GMNC: variants seen among roughly 807,000 people sequenced by gnomAD.
The protein encoded by GMNC is geminin coiled-coil domain-containing protein 1.
In GMNC, 16 loss-of-function variants were observed where a neutral mutation model predicts 33.6. That is an observed-to-expected ratio of 0.48 (90% CI 0.32 to 0.72). GMNC has a LOEUF of 0.72. Ranked by LOEUF, GMNC falls within the 30% of genes least tolerant of loss-of-function variation. The pLI is 0.03. For missense variants in GMNC, 393 were observed against 388.9 expected (o/e 1.01, Z -0.09); for synonymous variants, 156 against 147.3 (o/e 1.06, Z -0.43).
At position 190,858,955 on chromosome 3, in the gene GMNC, A is replaced by G; in HGVS notation, c.240T>C (p.Leu80=). The change falls in exon 3 of 5, where the codon CTT becomes CTC. Residue 80 remains leucine, a synonymous_variant. Coordinates refer to ENST00000442080, the MANE Select transcript of GMNC (RefSeq NM_001146686.3). ...GCTTATTTCTGTAGAGCTGAGAGGA[A>G]AGCTGAGCCTCTTCCCATGAGCACA... ...PDLCSWEEAQ[L]SSQLYRNKQL... The G allele has an allele frequency of 1.3e-6, 2 of 1,550,180 alleles. No individual in the cohort carries two copies. Among genetic ancestry groups the G allele is most frequent in the Non-Finnish European group, 8.7e-7 (1 of 1,145,792 alleles).
chr3:190,856,198 T>C (rs757280970), intron 4 of GMNC, among the ~76,000 whole-genome samples: 1 of 146,244 alleles, frequency 6.8e-6, no homozygotes, highest in African/African-American at 2.5e-5. Context: ...TTTATTAAGT[T>C]ACCATTTGTA....
At chr3:190,860,545 G>A (rs1737837452) in intron 2 of GMNC, 139 bp downstream of exon 2, 2 of 682,066 alleles carry the variant, frequency 2.9e-6, no homozygotes, top group South Asian at 2.4e-5. Context: ...CTTTATGACT[G>A]TAAAAATCAG....
chr3:190,846,238 GAGAA>G, the GMNC span, among the ~76,000 whole-genome samples: 1 of 148,182 alleles, frequency 6.7e-6, no homozygotes, highest in African/African-American at 2.6e-5. Context: ...AACAAAAAAA[GAGAA>G]AGAAAGAAAA....
At position 190,855,757 on chromosome 3, in the gene GMNC, A is replaced by G. The variant is rs1326279676; in HGVS notation, c.543T>C (p.Ala181=). The G allele has an allele frequency of 1.3e-6, 2 of 1,551,550 alleles. No homozygotes were observed. Among genetic ancestry groups the G allele is most frequent in the Non-Finnish European group, 1.7e-6 (2 of 1,146,906 alleles). The part of the protein sequence containing the change: ...SSEFANCEEQ[A]GPPVDPWVLQ... ...GGACCCAGGGATCCACAGGGGGCCC[A>G]GCTTGTTCTTCACAGTTAGCAAATT... Residue 181 remains alanine, a synonymous_variant, in exon 5 of 5, where the codon GCT becomes GCC. Transcript: ENST00000442080.
At position 190,855,078 on chromosome 3, in the gene GMNC, A is replaced by G; in HGVS notation, c.*217T>C. ...GTCAATAGCAGGTATTGGTGTGTAA[A>G]CAAGTCAAATTTAGGTAAAAGAAGC... On this transcript the variant is annotated 3_prime_UTR_variant, in exon 5 of 5. Coordinates refer to ENST00000442080, the MANE Select transcript of GMNC (RefSeq NM_001146686.3). The G allele has an allele frequency of 1.8e-6, 1 of 559,950 alleles. No homozygotes were observed. The highest frequency in any genetic ancestry group is 3.0e-5 in the East Asian group (1 of 32,948). 34.7% of individuals were successfully genotyped at this position (559,950 alleles called of 1,614,324 possible). A position where few individuals can be genotyped will look rare whatever the true frequency, so the allele number is the denominator to read the frequency against.
Position 190,857,864 on chromosome 3 carries a change from G to C in GMNC, c.303C>G (p.Leu101=). Residue 101 remains leucine, a synonymous_variant, in exon 4 of 5, where the codon CTC becomes CTG. Coordinates refer to ENST00000442080, the MANE Select transcript of GMNC (RefSeq NM_001146686.3). The part of the protein sequence containing the change: ...QDTLVQKEEE[L]ARLHEENNHL... ...GATTATTCTCTTCGTGTAACCTGGC[G>C]AGTTCTTCTTCCTTCTGCACCAGGG... 1.3e-6 allele frequency: 2 copies of C among 1,550,622 alleles called. No homozygotes were observed. Among genetic ancestry groups the C allele is most frequent in the South Asian group, 1.2e-5 (1 of 84,038 alleles).
chr3:190,856,042 G>T, intron 4 of GMNC, 127 bp from the exon 5 acceptor site: 1 of 689,100 alleles, frequency 1.5e-6, no homozygotes, highest in South Asian at 2.4e-5. Flanking sequence ...TGTTTGTAAA[G>T]TAAAATCTGT....
Position 190,855,278 on chromosome 3 carries a change from T to A in GMNC, c.*17A>T, listed in dbSNP as rs1333396387. 6.5e-7 allele frequency: 1 copy of A among 1,548,126 alleles called. No individual in the cohort carries two copies. Among genetic ancestry groups the A allele is most frequent in the African/African-American group, 1.4e-5 (1 of 72,680 alleles). On this transcript the variant is annotated 3_prime_UTR_variant, in exon 5 of 5. Coordinates refer to ENST00000442080, the MANE Select transcript of GMNC (RefSeq NM_001146686.3). ...AAACAGAGTTCGTGGCAGTGCTTTG[T>A]GATAAAAGAGGGGTCACTAAGACTG...
chr3:190,855,148 A>T lies in GMNC; in HGVS notation c.*147T>A. ...GATTCTTGGAAGCCATTCCCTGCAG[A>T]TTTAAGTGGGTAATTGAGAGTGACA... is the stretch of plus-strand genomic sequence containing the variant. On this transcript the variant is annotated 3_prime_UTR_variant, in exon 5 of 5. Transcript: ENST00000442080. 3 of 781,870 alleles carry T rather than the reference A, an allele frequency of 3.8e-6. No homozygotes were observed. The highest frequency in any genetic ancestry group is 6.0e-6 in the Non-Finnish European group (3 of 501,716). 48.4% of individuals were successfully genotyped at this position (781,870 alleles called of 1,614,324 possible).
intron 4 of GMNC, among the ~76,000 whole-genome samples, chr3:190,857,378 C>A (rs991836748): frequency 1.3e-5 from 2 of 152,054 alleles, no homozygotes; most frequent in African/African-American, 4.8e-5. Flanking sequence ...CCATCCATTA[C>A]AGATGAAGTT....
chr3:190,860,062 C>T (rs1737828018), intron 2 of GMNC, among the ~76,000 whole-genome samples: 1 of 152,120 alleles, frequency 6.6e-6, no homozygotes, highest in Non-Finnish European at 1.5e-5. Context: ...ATATTTAATT[C>T]TGGGGTGTCT....
chr3:190,855,517 T>C lies in GMNC; in HGVS notation c.783A>G (p.Glu261=), dbSNP rs1336280014. 1 of 1,551,660 alleles carries C rather than the reference T, an allele frequency of 6.4e-7. No homozygotes were observed. The highest frequency in any genetic ancestry group is 8.7e-7 in the Non-Finnish European group (1 of 1,146,972). Residue 261 remains glutamate (E), a synonymous_variant, in exon 5 of 5, where the codon GAA becomes GAG. Coordinates refer to ENST00000442080, the MANE Select transcript of GMNC (RefSeq NM_001146686.3). ...AAAGTTGAGAAAGGATGTGGAAATC[T>C]TCTCCATGAGTGGCAGTGCTGTGCA... The part of the protein sequence containing the change: ...TPLHSTATHG[E]DFHILSQLSN...
chr3:190,860,945 G>A (rs753405623), intron 1 of GMNC, 87 bp from the exon 2 acceptor site: 58 of 863,282 alleles, frequency 6.7e-5, no homozygotes, highest in Admixed American at 1.4e-4. Flanking sequence ...GAGAAATACC[G>A]AAATTACATG....
chr3:190,857,836 G>A lies in GMNC; in HGVS notation c.331C>T (p.Leu111Phe). Residue 111 changes from leucine to phenylalanine, a missense_variant, in exon 4 of 5, where the codon CTC becomes TTC. Transcript: ENST00000442080. ...LARLHEENNHLRQYLNSALVK... is the reference protein window; with the variant it reads ...LARLHEENNHFRQYLNSALVK... ...AAAGCAGAATTCAGGTATTGTCTGA[G>A]GTGATTATTCTCTTCGTGTAACCTG... 1.3e-6 allele frequency: 2 copies of A among 1,551,032 alleles called. No homozygotes were observed. Among genetic ancestry groups the A allele is most frequent in the Non-Finnish European group, 1.7e-6 (2 of 1,146,390 alleles).
In GMNC at chr3:190,855,859, C is replaced by T. The variant is rs1737722796; in HGVS notation, c.441G>A (p.Lys147=). Residue 147 remains lysine (K), a synonymous_variant, in exon 5 of 5, where the codon AAG becomes AAA. Coordinates refer to ENST00000442080, the MANE Select transcript of GMNC (RefSeq NM_001146686.3). ...AGTATCTTTGCTCTTTGGATTTTCT[C>T]TTCCCCTTCCTGAATTTTCCATATG... ...SKAYGKFRKG[K]RKSKEQRYSP... is the part of the protein sequence containing the mutation. 1.3e-6 allele frequency: 2 copies of T among 1,550,876 alleles called. No individual in the cohort carries two copies. Among genetic ancestry groups the T allele is most frequent in the Middle Eastern group, 1.7e-4 (1 of 6,014 alleles).
rs575031341 is a variant in GMNC, at chr3:190,862,356, A to G, written c.3+257T>C. ...GGGAGAAAGTAAGGAAAGTAGTAAT[A>G]ACAGAAAGAGAGAGAGAGGGCGAGA... On this transcript the variant is annotated intron_variant, in intron 1 of 4. Transcript: ENST00000442080. The surrounding 1 kb of genome is among the most constrained non-coding windows in gnomAD (Gnocchi z 4.5). 1.0e-3 allele frequency among the ~76,000 whole-genome samples: 115 copies of G among 110,230 alleles called. No homozygotes were observed. The highest frequency in any genetic ancestry group is 3.9e-3 in the African/African-American group (109 of 27,602). The allele number at this position is 110,230 out of a possible 152,430, so 72.3% of individuals were successfully genotyped here.
chr3:190,859,017 C>T lies in GMNC; in HGVS notation c.179-1G>A. 6.6e-7 allele frequency: 1 copy of T among 1,525,178 alleles called. No homozygotes were observed. Among genetic ancestry groups the T allele is most frequent in the Non-Finnish European group, 8.9e-7 (1 of 1,123,556 alleles). The allele number at this position is 1,525,178 out of a possible 1,614,324, so 94.5% of individuals were successfully genotyped here. On this transcript the variant is annotated splice_acceptor_variant, in intron 2 of 4. Transcript: ENST00000442080. LOFTEE classifies it high-confidence loss of function. ...GGAAAATTTGAGTCACTGAATGATTCTGTGAAAATACAAATAGATAACTGA... is the reference window on the plus strand; with the variant it reads ...GGAAAATTTGAGTCACTGAATGATTTTGTGAAAATACAAATAGATAACTGA...
At position 190,861,780 on chromosome 3, in the gene GMNC, A is replaced by G. The variant is rs1737877368; in HGVS notation, c.3+833T>C. Among the ~76,000 whole-genome samples the G allele has an allele frequency of 6.6e-6, 1 of 152,154 alleles. No homozygotes were observed. The highest frequency in any genetic ancestry group is 1.5e-5 in the Non-Finnish European group (1 of 68,034). The stretch of plus-strand genomic sequence containing the variant: ...ACACAGTCTTTCCATACGTCCAGGC[A>G]GGGGCAGGTATGCAGCCTTCCTGGG... On this transcript the variant is annotated intron_variant, in intron 1 of 4. Coordinates refer to ENST00000442080, the MANE Select transcript of GMNC (RefSeq NM_001146686.3). The surrounding 1 kb of genome is among the most constrained non-coding windows in gnomAD (Gnocchi z 5.1).
At chr3:190,845,969 T>G in the GMNC span, among the ~76,000 whole-genome samples, 15 of 152,176 alleles carry the variant, frequency 9.9e-5, no homozygotes, top group African/African-American at 3.6e-4. Context: ...GGCTCATGCC[T>G]GTAATCCCAG....
Sources: gnomAD v4.1 joint callset for allele counts (sites outside exome capture counted in the v4.1 genomes callset) on GRCh38, gnomAD v4.1.1 for gene constraint, Gnocchi (gnomAD v3.1) non-coding constraint, MANE v1.5 for transcripts, NCBI Gene and HGNC (gene_info 2026-07-23, HGNC 2026-07-21) for gene names.